SLC9A9: variants seen among roughly 807,000 people sequenced by gnomAD.
The protein encoded by SLC9A9 is sodium/hydrogen exchanger 9.
Under a neutral mutation model 77.8 loss-of-function variants are expected in SLC9A9, and 62 were observed. That is an observed-to-expected ratio of 0.80 (90% CI 0.65 to 0.98). The LOEUF (loss-of-function observed/expected upper bound fraction) is 0.98, where lower values mean the gene tolerates loss of function less well. Among genes scored for constraint, SLC9A9 ranks in the 50% least tolerant of loss-of-function variants. The pLI, the probability that SLC9A9 is intolerant of heterozygous loss-of-function variation, is 0.00. For missense variants in SLC9A9, 775 were observed against 774.9 expected (o/e 1.00, Z 0.00); for synonymous variants, 320 against 283.5 (o/e 1.13, Z -1.29).
At chr3:143,467,507 G>A (rs2035303843) in intron 11 of SLC9A9, among the ~76,000 whole-genome samples, 1 of 152,128 alleles carries the variant, frequency 6.6e-6, no homozygotes, top group South Asian at 2.1e-4. Context: ...ACTTTGGGAA[G>A]TTGAAGTGGG....
In SLC9A9 at chr3:143,424,683, A is replaced by G. The variant is rs560259461; in HGVS notation, c.1469+42354T>C. Among the ~76,000 whole-genome samples the G allele has an allele frequency of 1.3e-4, 20 of 152,296 alleles. No homozygotes were observed. The Middle Eastern group carries it at 0.01, about 78-fold the overall frequency. On this transcript the variant is annotated intron_variant, in intron 12 of 15. Transcript: ENST00000316549. ...CCGGCCTGAAACCTTTTAAAGTTTG[A>G]TATTTTTCACAATAAAAAGTTATCT... is the stretch of plus-strand genomic sequence containing the variant.
intron 2 of SLC9A9, among the ~76,000 whole-genome samples, chr3:143,812,659 G>A (rs569761650): frequency 1.4e-4 from 22 of 152,230 alleles, no homozygotes; most frequent in African/African-American, 3.9e-4. Flanking sequence ...TCACTTCCTA[G>A]TCCCTAAAAA....
At chr3:143,819,501 G>C (rs186519415) in intron 2 of SLC9A9, among the ~76,000 whole-genome samples, 1 of 152,294 alleles carries the variant, frequency 6.6e-6, no homozygotes, top group Admixed American at 6.5e-5. Flanking sequence ...AATCAAACTT[G>C]ACCAAGTCAC....
intron 6 of SLC9A9, among the ~76,000 whole-genome samples, chr3:143,643,359 T>G (rs571046110): frequency 6.6e-6 from 1 of 152,238 alleles, no homozygotes; most frequent in Non-Finnish European, 1.5e-5. Context: ...TGCTATTTCT[T>G]AAGGCTGCTC....
chr3:143,564,864 C>G (rs1003249987), intron 8 of SLC9A9, among the ~76,000 whole-genome samples: 2 of 152,098 alleles, frequency 1.3e-5, no homozygotes, highest in Non-Finnish European at 2.9e-5. Context: ...TAAAAATATC[C>G]TCTATGTAAA....
intron 14 of SLC9A9, among the ~76,000 whole-genome samples, chr3:143,324,266 G>A (rs563659440): frequency 2.0e-5 from 3 of 152,158 alleles, no homozygotes; most frequent in Admixed American, 6.5e-5. Flanking sequence ...GGTGAGCCTT[G>A]TCTAAGTCCA....
At chr3:143,559,715 T>TA (rs1205027263) in intron 8 of SLC9A9, among the ~76,000 whole-genome samples, 1 of 152,204 alleles carries the variant, frequency 6.6e-6, no homozygotes, top group East Asian at 1.9e-4. Flanking sequence ...AAGTAAAATT[T>TA]AAAAATATAT....
At chr3:143,838,657 A>C (rs986655442) in intron 1 of SLC9A9, among the ~76,000 whole-genome samples, 1 of 152,212 alleles carries the variant, frequency 6.6e-6, no homozygotes, top group African/African-American at 2.4e-5. Context: ...AGATGAAAGG[A>C]ATAACGTTCA....
At chr3:143,762,011 A>C (rs2007142421) in intron 4 of SLC9A9, among the ~76,000 whole-genome samples, 1 of 152,250 alleles carries the variant, frequency 6.6e-6, no homozygotes, top group Non-Finnish European at 1.5e-5. Context: ...CTATGCAGCC[A>C]TAAAGAAGGA....
At chr3:143,746,035 G>C (rs1935189668) in intron 4 of SLC9A9, among the ~76,000 whole-genome samples, 1 of 152,238 alleles carries the variant, frequency 6.6e-6, no homozygotes, top group South Asian at 2.1e-4. Context: ...AGGCCAGTGT[G>C]GCTGGAAAAT....
rs545827579 is a variant in SLC9A9 at position 143,842,817 on chromosome 3, G to T, written c.175+5331C>A. Among the ~76,000 whole-genome samples the T allele has an allele frequency of 8.5e-5, 13 of 152,276 alleles. 1 individual carries two copies. In the South Asian group the frequency reaches 2.7e-3, roughly 32 times the overall value. ...ACACTAACTAAAATCTTGTCTGAGA[G>T]AACAGACTGGATATCATTATAGGCT... On this transcript the variant is annotated intron_variant, in intron 1 of 15. Coordinates refer to ENST00000316549, the MANE Select transcript of SLC9A9 (RefSeq NM_173653.4).
chr3:143,272,443 A>G (rs7651983), intron 14 of SLC9A9, among the ~76,000 whole-genome samples: 4,469 of 152,284 alleles, frequency 0.029, 240 homozygotes, highest in African/African-American at 0.1. Context: ...AAATTGCTCA[A>G]TGGAAACTGC....
chr3:143,670,507 AAGAGTATCTG>A (rs1400321397), intron 5 of SLC9A9, among the ~76,000 whole-genome samples: 2 of 152,196 alleles, frequency 1.3e-5, no homozygotes, highest in African/African-American at 4.8e-5. Context: ...GGACACTCCA[AAGAGTATCTG>A]AGCCCAGGGA....
At chr3:143,381,898 C>G in intron 13 of SLC9A9, 162 bp downstream of exon 13, 2 of 820,532 alleles carry the variant, frequency 2.4e-6, no homozygotes, top group Non-Finnish European at 4.1e-6. Context: ...GTTATCAACA[C>G]CCTGAATTCC....
At chr3:143,586,396 T>C (rs138895643) in intron 6 of SLC9A9, among the ~76,000 whole-genome samples, 53 of 152,346 alleles carry the variant, frequency 3.5e-4, no homozygotes, top group Non-Finnish European at 6.9e-4. Context: ...TGCCTTGTCA[T>C]TCTGCTTTTA....
At chr3:143,486,414 A>G (rs1371993088) in intron 11 of SLC9A9, among the ~76,000 whole-genome samples, 1 of 152,132 alleles carries the variant, frequency 6.6e-6, no homozygotes, top group African/African-American at 2.4e-5. Flanking sequence ...AAAAGCTAGT[A>G]TTATTGCATG....
chr3:143,608,480 G>C (rs1344380501), intron 6 of SLC9A9, among the ~76,000 whole-genome samples: 1 of 152,190 alleles, frequency 6.6e-6, no homozygotes, highest in African/African-American at 2.4e-5. Flanking sequence ...TCACACACCA[G>C]GATAGTGAAG....
intron 12 of SLC9A9, among the ~76,000 whole-genome samples, chr3:143,419,421 C>A (rs2034257110): frequency 6.6e-6 from 1 of 152,170 alleles, no homozygotes; most frequent in African/African-American, 2.4e-5. Flanking sequence ...TTCTCTAAGT[C>A]ACTCTTGAAA....
intron 12 of SLC9A9, among the ~76,000 whole-genome samples, chr3:143,390,235 G>T (rs2033526444): frequency 6.6e-6 from 1 of 152,186 alleles, no homozygotes; most frequent in Non-Finnish European, 1.5e-5. Context: ...CTAAAGAAGG[G>T]TCTGGTCTAT....
Sources: gnomAD v4.1 joint callset for allele counts (sites outside exome capture counted in the v4.1 genomes callset) on GRCh38, gnomAD v4.1.1 for gene constraint, MANE v1.5 for transcripts, NCBI Gene and HGNC (gene_info 2026-07-23, HGNC 2026-07-21) for gene names.